VLDLR: variants seen among roughly 807,000 people sequenced by gnomAD.
The protein encoded by VLDLR is very low-density lipoprotein receptor.
In VLDLR, 81 loss-of-function variants were observed where a neutral mutation model predicts 112.7. That is an observed-to-expected ratio of 0.72 (90% CI 0.60 to 0.86). The LOEUF is 0.86. VLDLR is among the 40% of genes least tolerant of loss of function. The probability of loss-of-function intolerance (pLI) is 0.00; values close to 1 mark genes in which losing one functional copy is unlikely to be tolerated. For synonymous variants in VLDLR, 436 were observed against 384.8 expected, an observed-to-expected ratio of 1.13 and a Z score of -1.56; for missense variants, 1,237 against 1,099.4, an observed-to-expected ratio of 1.13 and a Z score of -1.77.
chr9:2,649,489 T>C (rs2130803804), intron 14 of VLDLR, among the ~76,000 whole-genome samples: 1 of 152,278 alleles, frequency 6.6e-6, no homozygotes, highest in African/African-American at 2.4e-5. Flanking sequence ...CCTCCTGTGT[T>C]CAAGCAATTC....
intron 2 of VLDLR, among the ~76,000 whole-genome samples, chr9:2,639,544 G>A (rs1817739963): frequency 6.6e-6 from 1 of 152,210 alleles, no homozygotes; most frequent in South Asian, 2.1e-4. Context: ...TGTAGAAAAT[G>A]AAAGTGTTAC....
intron 9 of VLDLR, 147 bp from the exon 10 acceptor site, chr9:2,645,427 C>A: frequency 2.0e-6 from 2 of 1,025,538 alleles, no homozygotes; most frequent in South Asian, 1.4e-5. Flanking sequence ...ACTTGCAGGT[C>A]CCAGGGGCAG....
rs1416267018 is a variant in VLDLR, at chr9:2,635,488, T to C, written c.118T>C (p.Cys40Arg). ...CAAATGTGAACCCTCCCAATTCCAG[T>C]GCACAAATGGTCGCTGTATTACGCT... is the stretch of plus-strand genomic sequence containing the variant. ...KAKCEPSQFQ[C>R]TNGRCITLLW... The change falls in exon 2 of 19, where the codon TGC becomes CGC. Residue 40 changes from cysteine (C) to arginine (R), a missense_variant. Transcript: ENST00000382100. 6.2e-7 allele frequency: 1 copy of C among 1,614,146 alleles called. No homozygotes were observed.
At position 2,635,236 on chromosome 9, in the gene VLDLR, G is replaced by C. The variant is rs1365895653; in HGVS notation, c.83-217G>C. Among the ~76,000 whole-genome samples the C allele has an allele frequency of 3.3e-5, 5 of 152,276 alleles. No homozygotes were observed. The East Asian group carries it at 9.6e-4, about 29-fold the overall frequency. ...CCCTTGGCTGCACCTCACTGAGAAA[G>C]AGGCTTGAAAATCTAGTATTTAGTC... On this transcript the variant is annotated intron_variant, in intron 1 of 18. Transcript: ENST00000382100.
intron 4 of VLDLR, among the ~76,000 whole-genome samples, chr9:2,641,770 G>A (rs564536814): frequency 6.6e-6 from 1 of 152,296 alleles, no homozygotes; most frequent in African/African-American, 2.4e-5. Flanking sequence ...GTAGCTCAGG[G>A]AAGCAGCAAT....
At chr9:2,625,414 G>A (rs1287726444) in intron 1 of VLDLR, among the ~76,000 whole-genome samples, 1 of 152,220 alleles carries the variant, frequency 6.6e-6, no homozygotes, top group East Asian at 1.9e-4. Context: ...GTTTCTCACA[G>A]AATGTAAATT....
rs1817602840 is a variant in VLDLR, at chr9:2,636,467, C to T, written c.202+895C>T. Among the ~76,000 whole-genome samples the T allele has an allele frequency of 2.0e-5, 3 of 152,210 alleles. No individual in the cohort carries two copies. In the South Asian group the frequency reaches 6.2e-4, roughly 32 times the overall value. ...CATCTTGTTATGCCTTTACCTACTT[C>T]TTCATGCATCATTATTAAAATGCTA... is the stretch of plus-strand genomic sequence containing the variant. On this transcript the variant is annotated intron_variant, in intron 2 of 18. Coordinates refer to ENST00000382100, the MANE Select transcript of VLDLR (RefSeq NM_003383.5).
intron 1 of VLDLR, among the ~76,000 whole-genome samples, chr9:2,627,726 G>T (rs779774129): frequency 6.6e-6 from 1 of 152,008 alleles, no homozygotes; most frequent in South Asian, 2.1e-4. Flanking sequence ...TTAGCTGGGT[G>T]TGGTGGTGCG....
At position 2,648,754 on chromosome 9, in the gene VLDLR, A is replaced by G. The variant is rs150930909; in HGVS notation, c.2048A>G (p.Asn683Ser). 5.6e-6 allele frequency: 9 copies of G among 1,614,102 alleles called. No homozygotes were observed. Among genetic ancestry groups the G allele is most frequent in the Non-Finnish European group, 7.6e-6 (9 of 1,180,050 alleles). ...FTGSELATLV[N>S]NLNDAQDIIV... ...GGATCAGAGCTAGCCACTCTAGTCA[A>G]CAACCTGAATGATGCCCAAGACATC... The change falls in exon 14 of 19, where the codon AAC becomes AGC. Residue 683 changes from asparagine to serine, a missense_variant. Physicochemically the swap from Asn to Ser is conservative, Grantham distance 46 (BLOSUM62 1). Transcript: ENST00000382100.
intron 15 of VLDLR, 128 bp downstream of exon 15, chr9:2,650,644 T>G: frequency 7.6e-7 from 1 of 1,316,130 alleles, no homozygotes; most frequent in Non-Finnish European, 1.1e-6. Flanking sequence ...TATCTGCTAT[T>G]GTATGCCGGG....
chr9:2,627,370 G>C (rs148341092), intron 1 of VLDLR, among the ~76,000 whole-genome samples: 162 of 152,288 alleles, frequency 1.1e-3, no homozygotes, highest in East Asian at 3.1e-3. Context: ...ATTACTGCCA[G>C]TATTACCAAA....
chr9:2,629,724 T>G (rs1817250799), intron 1 of VLDLR, among the ~76,000 whole-genome samples: 1 of 152,214 alleles, frequency 6.6e-6, no homozygotes, highest in South Asian at 2.1e-4. Flanking sequence ...TTCACTTATT[T>G]CCATGACTCA....
chr9:2,628,551 A>T (rs1817199637), intron 1 of VLDLR, among the ~76,000 whole-genome samples: 1 of 152,206 alleles, frequency 6.6e-6, no homozygotes, highest in Non-Finnish European at 1.5e-5. Context: ...ATTCTTGGCT[A>T]TTCTAGGTTG....
chr9:2,645,953 C>T (rs2130797142), intron 10 of VLDLR, among the ~76,000 whole-genome samples: 1 of 152,220 alleles, frequency 6.6e-6, no homozygotes. Flanking sequence ...TAAAAGATGA[C>T]ATCTTTCATA....
Position 2,648,660 on chromosome 9 carries a change from C to T in VLDLR, c.1963-9C>T. ...GGATGTACATGCTAATTGTGGGCTTCTGTTTTAGGATCGTGTCTACTGGAT... is the reference window on the plus strand; with the variant it reads ...GGATGTACATGCTAATTGTGGGCTTTTGTTTTAGGATCGTGTCTACTGGAT... On this transcript the variant is annotated splice_polypyrimidine_tract_variant and intron_variant, in intron 13 of 18. Transcript: ENST00000382100. The T allele has an allele frequency of 6.2e-7, 1 of 1,614,186 alleles. No homozygotes were observed. The highest frequency in any genetic ancestry group is 8.5e-7 in the Non-Finnish European group (1 of 1,180,028).
At chr9:2,642,319 GA>G (rs956071971) in intron 4 of VLDLR, among the ~76,000 whole-genome samples, 1 of 152,182 alleles carries the variant, frequency 6.6e-6, no homozygotes, top group African/African-American at 2.4e-5. Flanking sequence ...ACTTACAGTT[GA>G]AACACCAGTC....
At position 2,651,482 on chromosome 9, in the gene VLDLR, T is replaced by G. The variant is rs746657342; in HGVS notation, c.2319T>G (p.Ser773Arg). Residue 773 changes from serine to arginine, a missense_variant, in exon 16 of 19, where the codon AGT (serine) becomes AGG (arginine). Transcript: ENST00000382100. ...DTNTTEISAT[S>R]GLVPGGINVT... Reference sequence around the variant, plus strand: ...ACACAACAGAAATTTCAGCAACTAGTGGACTAGTTCCTGGAGGTATTGAGT... The same window carrying G: ...ACACAACAGAAATTTCAGCAACTAGGGGACTAGTTCCTGGAGGTATTGAGT... The G allele has an allele frequency of 6.2e-7, 1 of 1,613,810 alleles. No homozygotes were observed. Among genetic ancestry groups the G allele is most frequent in the African/African-American group, 1.3e-5 (1 of 74,932 alleles).
Position 2,622,204 on chromosome 9 carries a change from G to T in VLDLR, c.15G>T (p.Ala5=). 14 of 1,500,082 alleles carry T rather than the reference G, an allele frequency of 9.3e-6. No homozygotes were observed. Among genetic ancestry groups the T allele is most frequent in the Non-Finnish European group, 1.1e-5 (13 of 1,131,294 alleles). The allele number at this position is 1,500,082 out of a possible 1,614,324, so 92.9% of individuals were successfully genotyped here. ...AGGCGGGCACCATGGGCACGTCCGC[G>T]CTCTGGGCGCTCTGGCTGCTGCTCG... MGTS[A]LWALWLLLAL... is the part of the protein sequence containing the mutation. The change falls in exon 1 of 19, where the codon GCG becomes GCT. Residue 5 remains alanine (A), a synonymous_variant. Transcript: ENST00000382100.
intron 4 of VLDLR, 124 bp downstream of exon 4, chr9:2,641,623 A>C (rs1340244957): frequency 8.6e-6 from 12 of 1,390,224 alleles, no homozygotes; most frequent in South Asian, 5.9e-5. Context: ...TGACTTCACT[A>C]TCTGCTCAAT....
Sources: gnomAD v4.1 joint callset for allele counts (sites outside exome capture counted in the v4.1 genomes callset) on GRCh38, gnomAD v4.1.1 for gene constraint, MANE v1.5 for transcripts, NCBI Gene and HGNC (gene_info 2026-07-23, HGNC 2026-07-21) for gene names.